CLIP1: variants seen among roughly 807,000 people sequenced by gnomAD.
The protein encoded by CLIP1 is CAP-Gly domain-containing linker protein 1.
A neutral mutation model predicts 161.6 loss-of-function variants in CLIP1; 66 were observed. That is an observed-to-expected ratio of 0.41 (90% CI 0.33 to 0.50). The LOEUF is 0.50. CLIP1 is among the 20% of genes least tolerant of loss of function. The pLI, the probability that CLIP1 is intolerant of heterozygous loss-of-function variation, is 0.27. For synonymous variants in CLIP1, 598 were observed against 626.2 expected, an observed-to-expected ratio of 0.96 and a Z score of 0.67; for missense variants, 1,376 against 1,702.0, an observed-to-expected ratio of 0.81 and a Z score of 3.37.
In CLIP1 at chr12:122,407,748, C is replaced by CAAAAAAAAAA. The variant is rs35500806; in HGVS notation, c.-107+14763_-107+14772dup. On this transcript the variant is annotated intron_variant, in intron 1 of 25. Transcript: ENST00000620786. ...GAGGGTTTTTGGTGAGACCCTGTCT[C>CAAAAAAAAAA]AAAAAAAAAAAAAAAAAAAAAAAAA... Among the ~76,000 whole-genome samples, 15 of 38,336 alleles carry CAAAAAAAAAA rather than the reference C, an allele frequency of 3.9e-4. 1 individual carries two copies. The highest frequency in any genetic ancestry group is 1.8e-3 in the African/African-American group (13 of 7,168). 25.1% of individuals were successfully genotyped at this position (38,336 alleles called of 152,430 possible). A position where few individuals can be genotyped will look rare whatever the true frequency, so the allele number is the denominator to read the frequency against.
At chr12:122,386,930 G>A (rs2136914526) in intron 1 of CLIP1, among the ~76,000 whole-genome samples, 1 of 152,016 alleles carries the variant, frequency 6.6e-6, no homozygotes, top group South Asian at 2.1e-4. Context: ...TTGCCCTGTT[G>A]CTCAAGCTGG....
intron 3 of CLIP1, among the ~76,000 whole-genome samples, chr12:122,374,491 C>T (rs1593191730): frequency 2.0e-5 from 3 of 151,102 alleles, no homozygotes; most frequent in South Asian, 4.2e-4. Context: ...CAGCCAGGCG[C>T]GGTGGCTCAC....
intron 19 of CLIP1, among the ~76,000 whole-genome samples, chr12:122,316,330 C>A (rs1951270030): frequency 6.6e-6 from 1 of 152,060 alleles, no homozygotes; most frequent in African/African-American, 2.4e-5. Flanking sequence ...CCCACCTCAG[C>A]CTCCTGAGTA....
In CLIP1 at chr12:122,333,096, T is replaced by A; in HGVS notation, c.2758A>T (p.Ile920Leu). The change falls in exon 15 of 26, where the codon ATA becomes TTA. Residue 920 changes from isoleucine to leucine, a missense_variant. Physicochemically the swap from Ile to Leu is conservative, Grantham distance 5. Transcript: ENST00000620786. ...TTTTCCAGTTTTTCCTTTGCCTTTA[T>A]CAGCTGCTCTTCTCTCTCATCTTTC... ...REKDEREEQL[I>L]KAKEKLENDI... The A allele has an allele frequency of 1.9e-6, 3 of 1,613,674 alleles. No individual in the cohort carries two copies. The highest frequency in any genetic ancestry group is 2.5e-6 in the Non-Finnish European group (3 of 1,179,742).
intron 1 of CLIP1, among the ~76,000 whole-genome samples, chr12:122,411,930 A>G: frequency 6.6e-6 from 1 of 152,074 alleles, no homozygotes; most frequent in Non-Finnish European, 1.5e-5. Flanking sequence ...ATACTAAAAA[A>G]CCACTGAATT....
intron 20 of CLIP1, among the ~76,000 whole-genome samples, chr12:122,304,622 A>C (rs1950800908): frequency 6.6e-6 from 1 of 152,164 alleles, no homozygotes; most frequent in Admixed American, 6.5e-5. Context: ...CAGCCTCCTA[A>C]AGGGCTGGGA....
At chr12:122,412,003 T>TA (rs1956551385) in intron 1 of CLIP1, among the ~76,000 whole-genome samples, 1 of 151,952 alleles carries the variant, frequency 6.6e-6, no homozygotes, top group African/African-American at 2.4e-5. Context: ...CTGTTATTTT[T>TA]TAAAAAACTG....
intron 3 of CLIP1, among the ~76,000 whole-genome samples, chr12:122,375,578 A>T (rs1954681234): frequency 6.6e-6 from 1 of 152,002 alleles, no homozygotes; most frequent in Non-Finnish European, 1.5e-5. Context: ...CGGCCTCCAA[A>T]ACTGCTGGTA....
At chr12:122,380,749 T>C (rs1231392839) in intron 1 of CLIP1, among the ~76,000 whole-genome samples, 191 bp from the exon 2 acceptor site, 1 of 152,010 alleles carries the variant, frequency 6.6e-6, no homozygotes, top group Non-Finnish European at 1.5e-5. Flanking sequence ...GGCAATTTAC[T>C]ATCCTCAAGA....
chr12:122,371,160 A>C (rs537488404), intron 3 of CLIP1, among the ~76,000 whole-genome samples: 10 of 152,252 alleles, frequency 6.6e-5, no homozygotes, highest in Non-Finnish European at 1.5e-4. Context: ...ATGCTTAGAG[A>C]ATTCACAGGG....
chr12:122,390,193 AT>A (rs1566213819), intron 1 of CLIP1, among the ~76,000 whole-genome samples: 7 of 133,818 alleles, frequency 5.2e-5, no homozygotes, highest in South Asian at 2.2e-4. Context: ...ATATATATAT[AT>A]ATAATATATA....
intron 1 of CLIP1, among the ~76,000 whole-genome samples, chr12:122,409,214 C>T (rs1593266278): frequency 6.6e-6 from 1 of 152,058 alleles, no homozygotes; most frequent in African/African-American, 2.4e-5. Flanking sequence ...CAACCACTGC[C>T]ACCCAGGTTC....
At chr12:122,380,282 G>A in intron 2 of CLIP1, 86 bp downstream of exon 2, 4 of 771,734 alleles carry the variant, frequency 5.2e-6, no homozygotes, top group Non-Finnish European at 6.1e-6. Flanking sequence ...TCAAGAATAT[G>A]AACAGATATA....
chr12:122,316,311 A>C (rs548413166), intron 19 of CLIP1, among the ~76,000 whole-genome samples: 6 of 151,914 alleles, frequency 3.9e-5, no homozygotes, highest in African/African-American at 1.5e-4. Context: ...GCTGGGCTCA[A>C]GCGATCCTCC....
intron 3 of CLIP1, among the ~76,000 whole-genome samples, chr12:122,375,109 A>T (rs1189297989): frequency 2.0e-5 from 3 of 152,124 alleles, no homozygotes; most frequent in Non-Finnish European, 4.4e-5. Flanking sequence ...GAGGTCCCAA[A>T]GGCAAAGCAG....
At chr12:122,328,510 T>C in intron 15 of CLIP1, 84 bp from the exon 16 acceptor site, 1 of 735,712 alleles carries the variant, frequency 1.4e-6, no homozygotes, top group Non-Finnish European at 1.9e-6. Flanking sequence ...CTATTAATAA[T>C]TGTAATTATT....
intron 3 of CLIP1, among the ~76,000 whole-genome samples, chr12:122,376,627 C>T (rs1340643164): frequency 7.9e-5 from 12 of 151,448 alleles, no homozygotes; most frequent in Non-Finnish European, 1.5e-5. Flanking sequence ...CCACCATGCC[C>T]GGCTAATTTT....
At chr12:122,419,966 G>A (rs1279576101) in intron 1 of CLIP1, among the ~76,000 whole-genome samples, 5 of 147,810 alleles carry the variant, frequency 3.4e-5, no homozygotes, top group African/African-American at 1.2e-4. Context: ...AAACATGACT[G>A]AGTTAGTTCA....
chr12:122,358,702 C>T (rs1356502852), intron 5 of CLIP1, among the ~76,000 whole-genome samples: 1 of 149,994 alleles, frequency 6.7e-6, no homozygotes, highest in Non-Finnish European at 1.5e-5. Flanking sequence ...ATGCTTATTA[C>T]ATTGTCTGGC....
Sources: gnomAD v4.1 joint callset for allele counts (sites outside exome capture counted in the v4.1 genomes callset) on GRCh38, gnomAD v4.1.1 for gene constraint, MANE v1.5 for transcripts, NCBI Gene and HGNC (gene_info 2026-07-23, HGNC 2026-07-21) for gene names.